Variants in PCDHA12 observed in about 807,000 individuals in gnomAD.
The protein encoded by PCDHA12 is protocadherin alpha 12.
Under a neutral mutation model 60.0 loss-of-function variants are expected in PCDHA12, and 44 were observed. That is an observed-to-expected ratio of 0.73 (90% CI 0.58 to 0.94). The LOEUF is 0.94. Ranked by LOEUF, PCDHA12 falls within the 40% of genes least tolerant of loss-of-function variation. The pLI, the probability that PCDHA12 is intolerant of heterozygous loss-of-function variation, is 0.00. For synonymous variants in PCDHA12, 569 were observed against 553.0 expected (o/e 1.03, Z -0.40); for missense variants, 1,276 against 1,239.7 (o/e 1.03, Z -0.44).
In PCDHA12 at chr5:140,876,859, T is replaced by A; in HGVS notation, c.1387T>A (p.Phe463Ile). Residue 463 changes from phenylalanine (F) to isoleucine (I), a missense_variant, in exon 1 of 4, where the codon TTC becomes ATC. Physicochemically the swap from Phe to Ile is conservative, Grantham distance 21 (BLOSUM62 0). Coordinates refer to ENST00000398631, the MANE Select transcript of PCDHA12 (RefSeq NM_018903.4). The part of the protein sequence containing the change: ...PAFAQPEYTV[F>I]VKENNPPGCH... ...GTTCGCGCAGCCCGAGTACACAGTG[T>A]TCGTGAAGGAGAACAACCCGCCGGG... is the stretch of plus-strand genomic sequence containing the variant. 6.2e-7 allele frequency: 1 copy of A among 1,614,068 alleles called. No individual in the cohort carries two copies. The highest frequency in any genetic ancestry group is 8.5e-7 in the Non-Finnish European group (1 of 1,179,984).
chr5:140,959,646 G>A (rs1222418847), intron 1 of PCDHA12, among the ~76,000 whole-genome samples: 5 of 152,010 alleles, frequency 3.3e-5, no homozygotes, highest in Admixed American at 6.6e-5. Context: ...AAACACAGAA[G>A]CAAAATTGAA....
intron 1 of PCDHA12, among the ~76,000 whole-genome samples, chr5:140,922,023 T>TA (rs530025575): frequency 3.9e-5 from 6 of 151,968 alleles, no homozygotes; most frequent in African/African-American, 1.4e-4. Flanking sequence ...AAAATAAATA[T>TA]AAAAAATGTA....
At chr5:140,968,659 C>A (rs781863651) in intron 1 of PCDHA12, 6 of 1,614,160 alleles carry the variant, frequency 3.7e-6, no homozygotes, top group East Asian at 2.2e-5. Context: ...CTGACCTGGA[C>A]CTCTTTAAGG....
chr5:140,974,709 C>T (rs1385583490), intron 1 of PCDHA12, among the ~76,000 whole-genome samples: 1 of 152,092 alleles, frequency 6.6e-6, no homozygotes, highest in Non-Finnish European at 1.5e-5. Flanking sequence ...CCATGTTGTT[C>T]AAGCTGCTCT....
intron 3 of PCDHA12, among the ~76,000 whole-genome samples, chr5:140,997,698 ATGTT>A (rs1297045627): frequency 1.4e-5 from 2 of 145,558 alleles, no homozygotes; most frequent in African/African-American, 5.1e-5. Flanking sequence ...GTGTGTGTGT[ATGTT>A]AACAAACACC....
At chr5:140,913,969 AT>A (rs1304513966) in intron 1 of PCDHA12, among the ~76,000 whole-genome samples, 3 of 152,098 alleles carry the variant, frequency 2.0e-5, no homozygotes, top group Admixed American at 2.0e-4. Context: ...TTAAAAAAAT[AT>A]TTTAGGACTT....
At chr5:140,947,610 C>T (rs989640335) in intron 1 of PCDHA12, among the ~76,000 whole-genome samples, 3 of 151,562 alleles carry the variant, frequency 2.0e-5, no homozygotes, top group South Asian at 2.1e-4. Flanking sequence ...GATTTGGTAT[C>T]TTAACAATAT....
chr5:140,971,123 G>A (rs1305525231), intron 1 of PCDHA12, among the ~76,000 whole-genome samples: 1 of 152,182 alleles, frequency 6.6e-6, no homozygotes, highest in Non-Finnish European at 1.5e-5. Context: ...GTGGGCTACA[G>A]GTGGTGAAGA....
rs1554181343 is a variant in PCDHA12, at chr5:140,884,223, A to G, written c.2367+6384A>G. ...CACCACCGCCTTCTGGTGCTGGTGAAGGACCACGGTGAGCCCGCGCTGACG... is the reference window on the plus strand; with the variant it reads ...CACCACCGCCTTCTGGTGCTGGTGAGGGACCACGGTGAGCCCGCGCTGACG... On this transcript the variant is annotated intron_variant, in intron 1 of 3. Coordinates refer to ENST00000398631, the MANE Select transcript of PCDHA12 (RefSeq NM_018903.4). 1.1e-5 allele frequency: 17 copies of G among 1,613,364 alleles called. No homozygotes were observed. The highest frequency in any genetic ancestry group is 1.7e-5 in the Admixed American group (1 of 59,998).
In PCDHA12 at chr5:140,883,118, C is replaced by G. The variant is rs370331206; in HGVS notation, c.2367+5279C>G. ...AGATATAGTTTACTCATTTAGAAGG[C>G]CTGTATGGCCTGCAGTGGTATATGC... On this transcript the variant is annotated intron_variant, in intron 1 of 3. Coordinates refer to ENST00000398631, the MANE Select transcript of PCDHA12 (RefSeq NM_018903.4). The G allele has an allele frequency of 8.7e-6, 14 of 1,613,882 alleles. No individual in the cohort carries two copies. Among genetic ancestry groups the G allele is most frequent in the Non-Finnish European group, 1.2e-5 (14 of 1,180,016 alleles).
chr5:140,940,164 AT>A (rs1407801775), intron 1 of PCDHA12, among the ~76,000 whole-genome samples: 1 of 152,170 alleles, frequency 6.6e-6, no homozygotes, highest in African/African-American at 2.4e-5. Flanking sequence ...TTTGCCTGAA[AT>A]GTCATTCTTG....
At chr5:140,905,986 T>G (rs2072268646) in intron 1 of PCDHA12, among the ~76,000 whole-genome samples, 1 of 152,198 alleles carries the variant, frequency 6.6e-6, no homozygotes, top group Non-Finnish European at 1.5e-5. Flanking sequence ...GGGAGAAAGA[T>G]GTAGGCTGGG....
intron 1 of PCDHA12, among the ~76,000 whole-genome samples, chr5:140,903,708 T>C (rs1460220411): frequency 1.3e-5 from 2 of 152,212 alleles, no homozygotes; most frequent in Non-Finnish European, 2.9e-5. Context: ...AGTAATAAAA[T>C]ATACAATTCT....
chr5:140,935,921 C>G (rs1480748257), intron 1 of PCDHA12, among the ~76,000 whole-genome samples: 2 of 129,532 alleles, frequency 1.5e-5, no homozygotes, highest in African/African-American at 5.8e-5. Context: ...GAGACAGATT[C>G]TCATTCTGTT....
chr5:140,946,491 G>T (rs1292553232), intron 1 of PCDHA12, among the ~76,000 whole-genome samples: 2 of 151,676 alleles, frequency 1.3e-5, no homozygotes, highest in Middle Eastern at 3.4e-3. Context: ...CAAAGGAAAT[G>T]AAATCAGTAT....
At chr5:140,963,060 T>C (rs539314958) in intron 1 of PCDHA12, among the ~76,000 whole-genome samples, 11 of 152,154 alleles carry the variant, frequency 7.2e-5, no homozygotes, top group Non-Finnish European at 1.6e-4. Context: ...GGTTTCTACA[T>C]TGTGAAGGAG....
intron 1 of PCDHA12, among the ~76,000 whole-genome samples, chr5:140,934,143 A>T (rs1335256190): frequency 6.6e-6 from 1 of 152,000 alleles, no homozygotes; most frequent in Non-Finnish European, 1.5e-5. Context: ...TTCCTTCCTT[A>T]TATGTTTATA....
intron 3 of PCDHA12, among the ~76,000 whole-genome samples, chr5:141,006,404 G>T (rs1001810745): frequency 6.6e-6 from 1 of 151,938 alleles, no homozygotes; most frequent in Admixed American, 6.6e-5. Flanking sequence ...TAGTAGAGAC[G>T]CGGTTTCACT....
intron 1 of PCDHA12, among the ~76,000 whole-genome samples, chr5:140,911,327 C>T (rs2153517846): frequency 6.6e-6 from 1 of 152,324 alleles, no homozygotes; most frequent in South Asian, 2.1e-4. Context: ...GGATCCCATT[C>T]TTTTCCAATC....
Sources: gnomAD v4.1 joint callset for allele counts (sites outside exome capture counted in the v4.1 genomes callset) on GRCh38, gnomAD v4.1.1 for gene constraint, MANE v1.5 for transcripts, NCBI Gene and HGNC (gene_info 2026-07-23, HGNC 2026-07-21) for gene names.